The following CDKL1 variants were observed in gnomAD, a reference collection of about 807,000 sequenced individuals.
CDKL1 encodes cyclin-dependent kinase-like 1.
Under a neutral mutation model 42.0 loss-of-function variants are expected in CDKL1, and 41 were observed. The ratio of observed to expected loss-of-function variants is 0.98; its 90% CI spans 0.76 to 1.27. The LOEUF is 1.27. Among genes scored for constraint, CDKL1 ranks in the 50% most tolerant of loss-of-function variants. The pLI, the probability that CDKL1 is intolerant of heterozygous loss-of-function variation, is 0.00. For missense variants in CDKL1, 394 were observed against 428.4 expected (o/e 0.92, Z 0.71); for synonymous variants, 153 against 158.6 (o/e 0.96, Z 0.26).
In CDKL1 at chr14:50,326,661, C is replaced by T. The variant is rs967259457; in HGVS notation, c.*3413G>A. On this transcript the variant is annotated 3_prime_UTR_variant, in exon 10 of 10. Coordinates refer to ENST00000395834, the MANE Select transcript of CDKL1 (RefSeq NM_004196.7). ...ATTAAAACTGGACATAGATACTTGG[C>T]TGAATACAAATAGTTTTGCAGATTG... 1.0e-6 allele frequency: 1 copy of T among 985,208 alleles called. No individual in the cohort carries two copies. Among genetic ancestry groups the T allele is most frequent in the Non-Finnish European group, 1.2e-6 (1 of 829,782 alleles). The allele number at this position is 985,208 out of a possible 1,614,324, so 61.0% of individuals were successfully genotyped here. A position where few individuals can be genotyped will look rare whatever the true frequency, so the allele number is the denominator to read the frequency against.
At chr14:50,344,658 G>C (rs910706387) in intron 4 of CDKL1, among the ~76,000 whole-genome samples, 3 of 151,848 alleles carry the variant, frequency 2.0e-5, no homozygotes, top group Admixed American at 1.3e-4. Flanking sequence ...TTTCTGTAGA[G>C]ACAGGGTTTT....
Position 50,326,321 on chromosome 14 carries a change from A to C in CDKL1, c.*3753T>G, listed in dbSNP as rs1490788357. ...AATCTATAGATATCTCTTGATGTAG[A>C]TATTTAGAATCCTTTAAAGTTATTT... On this transcript the variant is annotated 3_prime_UTR_variant, in exon 10 of 10. Coordinates refer to ENST00000395834, the MANE Select transcript of CDKL1 (RefSeq NM_004196.7). The C allele has an allele frequency of 9.8e-6, 6 of 613,194 alleles. No individual in the cohort carries two copies. In the African/African-American group the frequency reaches 1.0e-4, roughly 10 times the overall value. The allele number at this position is 613,194 out of a possible 1,614,324, so 38.0% of individuals were successfully genotyped here. A position where few individuals can be genotyped will look rare whatever the true frequency, so the allele number is the denominator to read the frequency against.
chr14:50,391,164 C>T (rs75871485), intron 2 of CDKL1, among the ~76,000 whole-genome samples: 225 of 152,146 alleles, frequency 1.5e-3, no homozygotes, highest in Admixed American at 2.3e-3. Context: ...GATTTTCTTC[C>T]TGTTACCTTG....
chr14:50,343,257 T>TCAAA (rs1450782266), intron 4 of CDKL1, among the ~76,000 whole-genome samples: 1 of 150,938 alleles, frequency 6.6e-6, no homozygotes, highest in Non-Finnish European at 1.5e-5. Context: ...GAATGCTAGA[T>TCAAA]CGTTTGCAAC....
At chr14:50,356,884 C>T (rs772746825) in intron 3 of CDKL1, among the ~76,000 whole-genome samples, 18 of 152,108 alleles carry the variant, frequency 1.2e-4, no homozygotes, top group Non-Finnish European at 2.1e-4. Flanking sequence ...CATATTTTGG[C>T]CAGTGGAGTT....
intron 2 of CDKL1, chr14:50,390,086 T>C (rs1047398775): frequency 2.7e-6 from 3 of 1,103,804 alleles, no homozygotes; most frequent in Non-Finnish European, 2.6e-6. Context: ...GTAACAATGA[T>C]ACTTGGCAGT....
chr14:50,376,706 A>G (rs570301131), intron 2 of CDKL1, among the ~76,000 whole-genome samples: 1 of 152,338 alleles, frequency 6.6e-6, no homozygotes, highest in South Asian at 2.1e-4. Flanking sequence ...CCATTTTCAT[A>G]TATTCACTTG....
chr14:50,372,461 AG>A (rs2034617802), intron 2 of CDKL1, among the ~76,000 whole-genome samples: 4 of 152,226 alleles, frequency 2.6e-5, no homozygotes, highest in Admixed American at 2.6e-4. Context: ...CCTTATCAGG[AG>A]TAGGGCTTGC....
At chr14:50,333,882 T>G (rs1188528798) in intron 8 of CDKL1, 1 of 150,250 alleles carries the variant, frequency 6.7e-6, no homozygotes, top group African/African-American at 2.4e-5. Context: ...GAGCTATATT[T>G]CTAAATATAT....
At chr14:50,330,444 T>A (rs2032873614) in intron 9 of CDKL1, 1 of 348,908 alleles carries the variant, frequency 2.9e-6, no homozygotes, top group African/African-American at 2.2e-5. Flanking sequence ...TTAACATTAT[T>A]GGGAAGAAAA....
At chr14:50,373,976 A>C (rs2034658855) in intron 2 of CDKL1, among the ~76,000 whole-genome samples, 1 of 152,226 alleles carries the variant, frequency 6.6e-6, no homozygotes. Flanking sequence ...CTACAAGCAA[A>C]TGTTTTTAAC....
intron 2 of CDKL1, among the ~76,000 whole-genome samples, chr14:50,381,047 T>C (rs527605898): frequency 1.3e-4 from 20 of 152,292 alleles, no homozygotes; most frequent in African/African-American, 4.6e-4. Flanking sequence ...TGGGTGTCTT[T>C]GGATTTTGGA....
At chr14:50,341,470 G>GGGGC (rs2033534252) in intron 5 of CDKL1, among the ~76,000 whole-genome samples, 1 of 133,828 alleles carries the variant, frequency 7.5e-6, no homozygotes, top group African/African-American at 2.9e-5. Flanking sequence ...GGGGGGGGGG[G>GGGGC]GGTTATTTGG....
intron 2 of CDKL1, among the ~76,000 whole-genome samples, chr14:50,389,321 C>T (rs896959845): frequency 2.0e-5 from 3 of 152,044 alleles, no homozygotes; most frequent in Non-Finnish European, 4.4e-5. Context: ...CAGTGCCACT[C>T]GCCCACACCC....
chr14:50,338,942 C>G lies in CDKL1; in HGVS notation c.738+5G>C, dbSNP rs2033407463. The G allele has an allele frequency of 1.3e-6, 2 of 1,591,956 alleles. No individual in the cohort carries two copies. Among genetic ancestry groups the G allele is most frequent in the Non-Finnish European group, 1.7e-6 (2 of 1,159,882 alleles). The stretch of plus-strand genomic sequence containing the variant: ...ACAGAGCTCTCTCCAAAATGGGTAA[C>G]TCACCATATCTTCAGGGTCTGGAAT... On this transcript the variant is annotated splice_donor_5th_base_variant and intron_variant, in intron 7 of 9. Transcript: ENST00000395834.
chr14:50,396,981 G>GGCCCA (rs1165512741), upstream of CDKL1: 9 of 876,834 alleles, frequency 1.0e-5, no homozygotes, highest in African/African-American at 7.3e-5. Context: ...CCCCCGGCCC[G>GGCCCA]GCCCAGCCCG....
rs758047427 is a variant in CDKL1 at position 50,377,619 on chromosome 14, C to G, written c.168+18082G>C. 93 of 1,348,588 alleles carry G rather than the reference C, an allele frequency of 6.9e-5. No homozygotes were observed. The Middle Eastern group carries it at 1.5e-3, about 21-fold the overall frequency. The allele number at this position is 1,348,588 out of a possible 1,614,324, so 83.5% of individuals were successfully genotyped here. A position where few individuals can be genotyped will look rare whatever the true frequency, so the allele number is the denominator to read the frequency against. ...ATCATGGAGCAGATGGCAACAAGGA[C>G]CCCACTGCTGATGATAAGTGGGGTG... is the stretch of plus-strand genomic sequence containing the variant. On this transcript the variant is annotated intron_variant, in intron 2 of 9. Transcript: ENST00000395834.
rs1298297471 is a variant in CDKL1 at position 50,336,287 on chromosome 14, A to C, written c.739-1666T>G. ...TCTTCCTGTGTTTCTGTCAACAGGA[A>C]ATCTGCAGGACAATCTCTGGGAAGC... On this transcript the variant is annotated intron_variant, in intron 7 of 9. Coordinates refer to ENST00000395834, the MANE Select transcript of CDKL1 (RefSeq NM_004196.7). 4 of 1,223,524 alleles carry C rather than the reference A, an allele frequency of 3.3e-6. No individual in the cohort carries two copies. The African/African-American group carries it at 6.2e-5, about 19-fold the overall frequency. The allele number at this position is 1,223,524 out of a possible 1,614,324, so 75.8% of individuals were successfully genotyped here.
chr14:50,378,336 C>A lies in CDKL1; in HGVS notation c.168+17365G>T, dbSNP rs114780025. On this transcript the variant is annotated intron_variant, in intron 2 of 9. Transcript: ENST00000395834. ...GTAGGGCAATAAGGTTCTTGCTCTG[C>A]GAGGAAATAACTGCACTCAAGAATG... The A allele has an allele frequency of 4.4e-6, 6 of 1,366,254 alleles. No individual in the cohort carries two copies. In the African/African-American group the frequency reaches 5.9e-5, roughly 13 times the overall value. The allele number at this position is 1,366,254 out of a possible 1,614,324, so 84.6% of individuals were successfully genotyped here. A position where few individuals can be genotyped will look rare whatever the true frequency, so the allele number is the denominator to read the frequency against.
Sources: allele counts gnomAD v4.1 joint callset (sites outside exome capture counted in the v4.1 genomes callset), GRCh38; gene constraint gnomAD v4.1.1; transcripts MANE v1.5; gene names NCBI Gene and HGNC (gene_info 2026-07-23, HGNC 2026-07-21).